POP1: variants seen among roughly 807,000 people sequenced by gnomAD.
POP1 encodes POP1 ribonuclease P/MRP subunit.
POP1 carries 75 observed loss-of-function variants against 102.2 expected under a neutral mutation model. The observed-to-expected ratio is 0.73, with a 90% CI of 0.61 to 0.89. The LOEUF (loss-of-function observed/expected upper bound fraction) is 0.89. Ranked by LOEUF, POP1 falls within the 40% of genes least tolerant of loss-of-function variation. The pLI is 0.00. For missense variants in POP1, 1,116 were observed against 1,267.4 expected (o/e 0.88, Z 1.81); for synonymous variants, 436 against 464.1 (o/e 0.94, Z 0.78).
At chr8:98,125,879 T>A (rs1162490871) in intron 2 of POP1, among the ~76,000 whole-genome samples, 1 of 152,112 alleles carries the variant, frequency 6.6e-6, no homozygotes, top group Non-Finnish European at 1.5e-5. Flanking sequence ...AGGATCCCAC[T>A]CTGTCACCCA....
Position 98,127,756 on chromosome 8 carries a change from A to G in POP1, c.304A>G (p.Ile102Val), listed in dbSNP as rs775092432. ...CACGTCTCAGGAGATCCCCAAGTAT[A>G]TAACTGGTGGGTACTCATAAAGAGG... is the stretch of plus-strand genomic sequence containing the variant. The part of the protein sequence containing the change: ...EGTSQEIPKY[I>V]TASTFAQARA... The change falls in exon 3 of 16, where the codon ATA becomes GTA. Residue 102 changes from isoleucine (I) to valine (V), a missense_variant. Physicochemically the swap from Ile to Val is conservative, Grantham distance 29 (BLOSUM62 3). Coordinates refer to ENST00000401707, the MANE Select transcript of POP1 (RefSeq NM_001145860.2). 1.1e-5 allele frequency: 17 copies of G among 1,613,794 alleles called. No homozygotes were observed. In the Middle Eastern group the frequency reaches 4.9e-4, roughly 47 times the overall value.
intron 5 of POP1, among the ~76,000 whole-genome samples, chr8:98,131,278 C>T (rs1183970613): frequency 6.6e-6 from 1 of 152,198 alleles, no homozygotes; most frequent in African/African-American, 2.4e-5. Flanking sequence ...TCCTTCAGCC[C>T]CTGGCAGCCA....
At chr8:98,117,712 G>T (rs1815883587) in intron 1 of POP1, 1 of 158,480 alleles carries the variant, frequency 6.3e-6, no homozygotes, top group Admixed American at 6.1e-5. Flanking sequence ...AGATCTGGGC[G>T]TTGGTCCTCC....
intron 1 of POP1, among the ~76,000 whole-genome samples, chr8:98,118,217 T>G (rs965402998): frequency 5.3e-5 from 8 of 152,188 alleles, no homozygotes; most frequent in Non-Finnish European, 1.5e-5. Context: ...GACCTTTCAG[T>G]CTGGCCTCCC....
At chr8:98,147,952 G>A (rs1355938453) in intron 12 of POP1, among the ~76,000 whole-genome samples, 1 of 152,200 alleles carries the variant, frequency 6.6e-6, no homozygotes, top group African/African-American at 2.4e-5. Context: ...AATGAATGGA[G>A]TGTGTGAATT....
chr8:98,121,441 C>A (rs1459759753), intron 1 of POP1, among the ~76,000 whole-genome samples: 2 of 151,074 alleles, frequency 1.3e-5, no homozygotes, highest in Non-Finnish European at 1.5e-5. Context: ...GGATATTAGA[C>A]AGCCTGCTAT....
intron 11 of POP1, among the ~76,000 whole-genome samples, chr8:98,145,361 G>T (rs1816814955): frequency 6.6e-6 from 1 of 152,130 alleles, no homozygotes; most frequent in Non-Finnish European, 1.5e-5. Context: ...TTTCTGTGTG[G>T]ACAGTTTAGA....
At chr8:98,126,256 GGAGT>G (rs1816202569) in intron 2 of POP1, among the ~76,000 whole-genome samples, 1 of 152,132 alleles carries the variant, frequency 6.6e-6, no homozygotes, top group South Asian at 2.1e-4. Flanking sequence ...TAGTATTAAG[GGAGT>G]GTCGTTTGGG....
intron 13 of POP1, among the ~76,000 whole-genome samples, chr8:98,149,778 AAATAAGT>A: frequency 6.7e-6 from 1 of 148,604 alleles, no homozygotes; most frequent in South Asian, 2.1e-4. Flanking sequence ...TAAATAAAAT[AAATAAGT>A]AAATAAATAA....
At chr8:98,153,516 T>A (rs1809570032) in intron 14 of POP1, among the ~76,000 whole-genome samples, 1 of 144,788 alleles carries the variant, frequency 6.9e-6, no homozygotes, top group Admixed American at 7.0e-5. Flanking sequence ...CAACTAGATT[T>A]ACAAACAGTT....
Position 98,117,302 on chromosome 8 carries a change from C to G in POP1, c.-91C>G, listed in dbSNP as rs1815863672. 1.7e-6 allele frequency: 1 copy of G among 598,758 alleles called. No homozygotes were observed. Among genetic ancestry groups the G allele is most frequent in the Non-Finnish European group, 3.0e-6 (1 of 338,050 alleles). The allele number at this position is 598,758 out of a possible 1,614,324, so 37.1% of individuals were successfully genotyped here. The stretch of plus-strand genomic sequence containing the variant: ...GCGCCCGGTCTGGCGCATGCGCTCT[C>G]CAGCGCGCTCTCCAGGAGCTTTGGC... On this transcript the variant is annotated 5_prime_UTR_variant, in exon 1 of 16. Coordinates refer to ENST00000401707, the MANE Select transcript of POP1 (RefSeq NM_001145860.2).
In POP1 at chr8:98,117,382, G is replaced by T. The variant is rs1158727211; in HGVS notation, c.-11G>T. 7 of 447,642 alleles carry T rather than the reference G, an allele frequency of 1.6e-5. No individual in the cohort carries two copies. Among genetic ancestry groups the T allele is most frequent in the Non-Finnish European group, 2.9e-5 (7 of 244,522 alleles). The allele number at this position is 447,642 out of a possible 1,614,324, so 27.7% of individuals were successfully genotyped here. On this transcript the variant is annotated 5_prime_UTR_variant, in exon 1 of 16. Transcript: ENST00000401707. Reference sequence around the variant, plus strand: ...TTCTGACCCGGGGATTCCTCACAGCGTCTGGCAGGTTGGTCGTGAGGGGCT... The same window carrying T: ...TTCTGACCCGGGGATTCCTCACAGCTTCTGGCAGGTTGGTCGTGAGGGGCT...
chr8:98,156,899 ATTTT>A (rs35066160), intron 15 of POP1, among the ~76,000 whole-genome samples: 1 of 128,242 alleles, frequency 7.8e-6, no homozygotes, highest in African/African-American at 2.9e-5. Flanking sequence ...CTTTGCTCTG[ATTTT>A]TTTTTTTTTT....
In POP1 at chr8:98,134,525, G is replaced by T; in HGVS notation, c.877G>T (p.Val293Leu). The change falls in exon 7 of 16, where the codon GTG becomes TTG. Residue 293 changes from valine (V) to leucine (L), a missense_variant. Val to Leu is a conservative substitution (Grantham distance 32). Transcript: ENST00000401707. ...CLSGKRQGSL[V>L]LYRVNKYPRE... is the part of the protein sequence containing the mutation. Reference sequence around the variant, plus strand: ...GTCTGGAAAGCGCCAAGGGAGCCTTGTGCTTTATCGGGTGAATAAATATCC... The same window carrying T: ...GTCTGGAAAGCGCCAAGGGAGCCTTTTGCTTTATCGGGTGAATAAATATCC... 6.2e-7 allele frequency: 1 copy of T among 1,614,206 alleles called. No individual in the cohort carries two copies. The highest frequency in any genetic ancestry group is 1.3e-5 in the African/African-American group (1 of 75,060).
intron 2 of POP1, among the ~76,000 whole-genome samples, chr8:98,127,217 T>A (rs1222277942): frequency 1.3e-5 from 2 of 152,122 alleles, no homozygotes; most frequent in Non-Finnish European, 1.5e-5. Flanking sequence ...CCTAATACCA[T>A]CACCTCGGGG....
chr8:98,134,610 C>A lies in POP1; in HGVS notation c.962C>A (p.Pro321His). The change falls in exon 7 of 16, where the codon CCT becomes CAT. Residue 321 changes from proline (P) to histidine (H), a missense_variant. Coordinates refer to ENST00000401707, the MANE Select transcript of POP1 (RefSeq NM_001145860.2). ...IWKSQRTPGD[P>H]SESRQLWIWL... ...AAGTCCCAGAGGACCCCGGGTGACC[C>A]TTCTGAGAGCAGGCAGCTGTGGATC... The A allele has an allele frequency of 6.2e-7, 1 of 1,614,104 alleles. No individual in the cohort carries two copies. Among genetic ancestry groups the A allele is most frequent in the Non-Finnish European group, 8.5e-7 (1 of 1,179,964 alleles).
chr8:98,152,599 C>A (rs1052790243), intron 14 of POP1, among the ~76,000 whole-genome samples: 2 of 152,086 alleles, frequency 1.3e-5, no homozygotes, highest in African/African-American at 4.8e-5. Flanking sequence ...AAATATTATT[C>A]TTTTGCTTTT....
intron 9 of POP1, among the ~76,000 whole-genome samples, chr8:98,137,607 T>TAGGG (rs1209853447): frequency 6.6e-6 from 1 of 152,122 alleles, no homozygotes; most frequent in Non-Finnish European, 1.5e-5. Context: ...GGGCTAGTTT[T>TAGGG]AGGGGTCTAG....
intron 1 of POP1, among the ~76,000 whole-genome samples, chr8:98,119,897 C>A (rs113294955): frequency 3.9e-5 from 6 of 152,114 alleles, no homozygotes; most frequent in African/African-American, 1.4e-4. Context: ...AAATTAAATC[C>A]TCAGACTTCA....
Sources: allele counts gnomAD v4.1 joint callset (sites outside exome capture counted in the v4.1 genomes callset), GRCh38; gene constraint gnomAD v4.1.1; transcripts MANE v1.5; gene names NCBI Gene and HGNC (gene_info 2026-07-23, HGNC 2026-07-21).